CAST: variants seen among roughly 807,000 people sequenced by gnomAD.
The protein encoded by CAST is calpastatin.
CAST carries 76 observed loss-of-function variants against 119.6 expected under a neutral mutation model. The observed-to-expected ratio is 0.64, with a 90% CI of 0.53 to 0.77. The LOEUF is 0.77. CAST is among the 30% of genes least tolerant of loss of function. The probability of loss-of-function intolerance (pLI) is 0.00; values close to 1 mark genes in which losing one functional copy is unlikely to be tolerated. For synonymous variants in CAST, 319 were observed against 331.6 expected (o/e 0.96, Z 0.41); for missense variants, 953 against 946.5 (o/e 1.01, Z -0.09).
the CAST span, among the ~76,000 whole-genome samples, chr5:96,324,743 GTTAT>G: frequency 1.3e-5 from 2 of 151,998 alleles, no homozygotes; most frequent in African/African-American, 4.8e-5. Flanking sequence ...CTTAATGTGT[GTTAT>G]TTGAGAACTC....
chr5:96,040,620 A>G, the CAST span, among the ~76,000 whole-genome samples: 1 of 152,088 alleles, frequency 6.6e-6, no homozygotes, highest in Non-Finnish European at 1.5e-5. Flanking sequence ...TTCTGCATCT[A>G]TTGAGATAAT....
chr5:96,099,526 T>C, the CAST span, among the ~76,000 whole-genome samples: 1 of 152,212 alleles, frequency 6.6e-6, no homozygotes, highest in Admixed American at 6.5e-5. Flanking sequence ...TGAGAGTTTT[T>C]AACATGAATG....
intron 24 of CAST, 44 bp from the exon 25 acceptor site, chr5:96,762,230 T>C (rs1461836188): frequency 1.5e-6 from 2 of 1,325,090 alleles, no homozygotes; most frequent in Admixed American, 2.0e-5. Flanking sequence ...GTGCTCATAA[T>C]TTTATATACA....
the CAST span, chr5:96,392,169 T>C: frequency 2.8e-5 from 4 of 141,074 alleles, no homozygotes; most frequent in African/African-American, 8.0e-5. Context: ...AAGTCCCAAG[T>C]GTAAGTTTTT....
At chr5:96,756,265 G>A (rs898328541) in intron 22 of CAST, among the ~76,000 whole-genome samples, 1 of 152,114 alleles carries the variant, frequency 6.6e-6, no homozygotes, top group Non-Finnish European at 1.5e-5. Context: ...GTTTGAGTAG[G>A]GAGCAAAAGT....
intron 31 of CAST, chr5:96,771,906 A>G (rs1772511796): frequency 2.4e-6 from 1 of 409,178 alleles, no homozygotes; most frequent in Non-Finnish European, 4.4e-6. Flanking sequence ...TGAAATGTTT[A>G]AAAACCTTAA....
At chr5:96,127,430 C>T in the CAST span, among the ~76,000 whole-genome samples, 3 of 152,006 alleles carry the variant, frequency 2.0e-5, no homozygotes, top group Non-Finnish European at 2.9e-5. Flanking sequence ...GAGCTAATAT[C>T]CTCAAGTGTT....
chr5:96,444,326 G>A, the CAST span, among the ~76,000 whole-genome samples: 1 of 152,158 alleles, frequency 6.6e-6, no homozygotes, highest in African/African-American at 2.4e-5. Flanking sequence ...TTAATTTAGT[G>A]TTTGAGAACT....
intron 2 of CAST, among the ~76,000 whole-genome samples, chr5:96,693,103 T>G (rs1293025722): frequency 6.6e-6 from 1 of 152,204 alleles, no homozygotes; most frequent in African/African-American, 2.4e-5. Context: ...TAATAAATAC[T>G]TGTTAGATAA....
the CAST span, among the ~76,000 whole-genome samples, chr5:96,129,807 A>G: frequency 6.6e-6 from 1 of 152,070 alleles, no homozygotes; most frequent in South Asian, 2.1e-4. Flanking sequence ...TTTGACAAGT[A>G]GAAAAGTTTA....
At chr5:95,971,104 G>A in the CAST span, among the ~76,000 whole-genome samples, 10 of 152,316 alleles carry the variant, frequency 6.6e-5, no homozygotes, top group Admixed American at 5.2e-4. Context: ...CAAGCATCAT[G>A]ATTTAGCTTT....
chr5:96,354,322 T>A, the CAST span, among the ~76,000 whole-genome samples: 1 of 152,068 alleles, frequency 6.6e-6, no homozygotes, highest in African/African-American at 2.4e-5. Context: ...ACATAAAGAG[T>A]CAAATAATTT....
At chr5:96,003,120 G>T in the CAST span, among the ~76,000 whole-genome samples, 1 of 152,110 alleles carries the variant, frequency 6.6e-6, no homozygotes, top group Non-Finnish European at 1.5e-5. Context: ...GGTGTCTGTA[G>T]TCCCAGCTAC....
intron 1 of CAST, among the ~76,000 whole-genome samples, chr5:96,626,178 A>C (rs1275863985): frequency 6.6e-6 from 1 of 152,206 alleles, no homozygotes; most frequent in Non-Finnish European, 1.5e-5. Flanking sequence ...CTGAGCTCAC[A>C]CTAGTGCAAG....
At chr5:96,624,814 GCAAATATTCTCATT>G (rs1204571112) in intron 1 of CAST, among the ~76,000 whole-genome samples, 49 of 152,282 alleles carry the variant, frequency 3.2e-4, no homozygotes, top group African/African-American at 1.1e-3. Flanking sequence ...CATTTAATAA[GCAAATATTCTCATT>G]CTGTTTGTGT....
At chr5:96,350,816 C>T in the CAST span, among the ~76,000 whole-genome samples, 1 of 152,114 alleles carries the variant, frequency 6.6e-6, no homozygotes, top group Non-Finnish European at 1.5e-5. Context: ...ATCCATAACA[C>T]TAGGGAAGAG....
At chr5:96,118,504 A>C in the CAST span, among the ~76,000 whole-genome samples, 1 of 152,202 alleles carries the variant, frequency 6.6e-6, no homozygotes, top group Non-Finnish European at 1.5e-5. Flanking sequence ...ATGCAAAAGG[A>C]AGCCTTGTTG....
the CAST span, among the ~76,000 whole-genome samples, chr5:96,198,502 T>C: frequency 1.3e-5 from 2 of 152,112 alleles, no homozygotes; most frequent in Non-Finnish European, 2.9e-5. Context: ...AAGGCTTTCC[T>C]CCACATGGCT....
At chr5:96,727,172 T>C (rs187454620) in intron 5 of CAST, among the ~76,000 whole-genome samples, 13 of 152,364 alleles carry the variant, frequency 8.5e-5, no homozygotes, top group Admixed American at 7.8e-4. Context: ...ATGAAGGTTT[T>C]TATTTTCTGT....
Sources: allele counts gnomAD v4.1 joint callset (sites outside exome capture counted in the v4.1 genomes callset), GRCh38; gene constraint gnomAD v4.1.1; transcripts MANE v1.5; gene names NCBI Gene and HGNC (gene_info 2026-07-23, HGNC 2026-07-21).